Variants in HOMER2 observed in about 807,000 individuals in gnomAD.
HOMER2 encodes homer protein homolog 2.
In HOMER2, 27 loss-of-function variants were observed where a neutral mutation model predicts 47.0. The ratio of observed to expected loss-of-function variants is 0.57; its 90% CI spans 0.42 to 0.79. The LOEUF (loss-of-function observed/expected upper bound fraction) is 0.79. Among genes scored for constraint, HOMER2 ranks in the 30% least tolerant of loss-of-function variants. HOMER2 has a pLI of 0.00. For synonymous variants in HOMER2, 161 were observed against 163.8 expected, an observed-to-expected ratio of 0.98 and a Z score of 0.13; for missense variants, 443 against 435.0, an observed-to-expected ratio of 1.02 and a Z score of -0.16.
intron 1 of HOMER2, among the ~76,000 whole-genome samples, chr15:82,917,290 C>T (rs1434291719): frequency 1.3e-5 from 2 of 152,186 alleles, no homozygotes; most frequent in Non-Finnish European, 2.9e-5. Context: ...CACATATAAC[C>T]GCCAAACGGT....
At chr15:82,963,604 G>A (rs2054649548) in intron 1 of HOMER2, among the ~76,000 whole-genome samples, 1 of 152,196 alleles carries the variant, frequency 6.6e-6, no homozygotes, top group Admixed American at 6.5e-5. Context: ...CAATACTTCT[G>A]GGATGGGGTG....
At chr15:82,855,325 C>CAAAAA (rs1162254209) in intron 5 of HOMER2, among the ~76,000 whole-genome samples, 3,652 of 61,346 alleles carry the variant, frequency 0.06, 374 homozygotes, top group East Asian at 0.07. Context: ...ACTCCATCTC[C>CAAAAA]AAAAAAAAAA....
At chr15:82,935,441 A>T (rs2054120699) in intron 1 of HOMER2, among the ~76,000 whole-genome samples, 1 of 151,950 alleles carries the variant, frequency 6.6e-6, no homozygotes, top group Admixed American at 6.6e-5. Flanking sequence ...TACACACTCA[A>T]TCCTGAGCCC....
chr15:82,912,164 A>G (rs1374158812), intron 1 of HOMER2, among the ~76,000 whole-genome samples: 4 of 152,308 alleles, frequency 2.6e-5, no homozygotes, highest in African/African-American at 9.6e-5. Flanking sequence ...TTATTCACAG[A>G]ATTGCGTAAC....
chr15:82,949,125 G>C (rs184698016), intron 1 of HOMER2, among the ~76,000 whole-genome samples: 2 of 152,332 alleles, frequency 1.3e-5, no homozygotes, highest in African/African-American at 4.8e-5. Flanking sequence ...CACTGACTTG[G>C]ATGGGGAAGA....
chr15:82,845,052 G>C (rs1468991884), downstream of HOMER2: 1 of 152,142 alleles, frequency 6.6e-6, no homozygotes, highest in Non-Finnish European at 1.5e-5. Flanking sequence ...GTAGGGCACT[G>C]AACAATTCCA....
intron 1 of HOMER2, among the ~76,000 whole-genome samples, chr15:82,893,435 C>T (rs2052788953): frequency 1.4e-5 from 2 of 147,668 alleles, no homozygotes; most frequent in South Asian, 2.1e-4. Flanking sequence ...CGGGTTCAAG[C>T]GATTCTCCTG....
At chr15:82,962,522 T>C (rs2151251751) in intron 1 of HOMER2, among the ~76,000 whole-genome samples, 1 of 151,574 alleles carries the variant, frequency 6.6e-6, no homozygotes, top group Admixed American at 6.6e-5. Flanking sequence ...ACTAAAAATA[T>C]AAAAATTAGC....
At chr15:82,901,371 GAGTGA>G (rs1019159571) in intron 1 of HOMER2, among the ~76,000 whole-genome samples, 16 of 152,190 alleles carry the variant, frequency 1.1e-4, no homozygotes, top group African/African-American at 3.9e-4. Context: ...CGGCAGGGAT[GAGTGA>G]AGTGAAGGGG....
intron 1 of HOMER2, among the ~76,000 whole-genome samples, chr15:82,931,225 T>G (rs1233597718): frequency 6.6e-6 from 1 of 152,172 alleles, no homozygotes; most frequent in Admixed American, 6.5e-5. Flanking sequence ...TACCAATTTT[T>G]GCTATGAGGA....
chr15:82,976,550 C>T (rs1359416393), intron 1 of HOMER2, among the ~76,000 whole-genome samples: 8 of 151,860 alleles, frequency 5.3e-5, no homozygotes, highest in African/African-American at 1.5e-4. Context: ...CCACCCGCCT[C>T]GGCTTCCCAA....
chr15:82,908,746 TTA>T (rs967871406), intron 1 of HOMER2, among the ~76,000 whole-genome samples: 8 of 142,672 alleles, frequency 5.6e-5, no homozygotes, highest in African/African-American at 7.7e-5. Context: ...TGCTTTTTTT[TTA>T]AAAAAAAAAA....
At chr15:82,924,474 T>A (rs2053810094) in intron 1 of HOMER2, among the ~76,000 whole-genome samples, 1 of 151,786 alleles carries the variant, frequency 6.6e-6, no homozygotes, top group Non-Finnish European at 1.5e-5. Flanking sequence ...GTGTGTAGAC[T>A]TCTCCCGACT....
At chr15:82,846,703 T>C (rs943600731), downstream of HOMER2, 2 of 152,204 alleles carry the variant, frequency 1.3e-5, no homozygotes, top group African/African-American at 4.8e-5. Context: ...TCTAATGTGA[T>C]GGCAGGCAGG....
chr15:82,951,155 T>C (rs918291440), intron 1 of HOMER2, among the ~76,000 whole-genome samples: 2 of 152,190 alleles, frequency 1.3e-5, no homozygotes, highest in Non-Finnish European at 2.9e-5. Context: ...CCAACTTGGG[T>C]GCCTCTGGGT....
chr15:82,914,459 C>T (rs2053531952), intron 1 of HOMER2, among the ~76,000 whole-genome samples: 4 of 150,762 alleles, frequency 2.7e-5, no homozygotes, highest in Admixed American at 2.6e-4. Flanking sequence ...TGAAATAAAC[C>T]AGTCACAAAA....
rs199975432 is a variant in HOMER2, at chr15:82,854,814, A to G, written c.495-14T>C. The G allele has an allele frequency of 5.9e-5, 95 of 1,602,016 alleles. 1 individual carries two copies. The South Asian group carries it at 1.0e-3, about 17-fold the overall frequency. ...ACGTTGGCTGCGCTGCAGGACAGGG[A>G]CGGGCGGTGACGACGGGGTGGGTGC... On this transcript the variant is annotated splice_polypyrimidine_tract_variant and intron_variant, in intron 5 of 8. Coordinates refer to ENST00000450735, the MANE Select transcript of HOMER2 (RefSeq NM_004839.4).
chr15:82,897,069 T>C (rs1189428968), intron 1 of HOMER2, among the ~76,000 whole-genome samples: 1 of 128,764 alleles, frequency 7.8e-6, no homozygotes. Context: ...TCATTTCTTT[T>C]TTTTTTTTTT....
At chr15:82,955,748 C>A (rs1012729601), upstream of HOMER2, among the ~76,000 whole-genome samples, 3 of 152,176 alleles carry the variant, frequency 2.0e-5, no homozygotes, top group Admixed American at 1.3e-4. Flanking sequence ...ATGTTGATCA[C>A]CTGCTGTGTA....
Sources: allele counts gnomAD v4.1 joint callset (sites outside exome capture counted in the v4.1 genomes callset), GRCh38; gene constraint gnomAD v4.1.1; transcripts MANE v1.5; gene names NCBI Gene and HGNC (gene_info 2026-07-23, HGNC 2026-07-21).